Variants in CAP2 observed in about 807,000 individuals in gnomAD.
CAP2 encodes cyclase associated actin cytoskeleton regulatory protein 2, also known as adenylyl cyclase-associated protein 2.
CAP2 carries 24 observed loss-of-function variants against 57.7 expected under a neutral mutation model. The ratio of observed to expected loss-of-function variants is 0.42; its 90% confidence interval spans 0.30 to 0.58. The LOEUF is 0.58. CAP2 is among the 20% of genes least tolerant of loss of function. CAP2 has a pLI of 0.22. For missense variants in CAP2, 501 were observed against 590.3 expected, an observed-to-expected ratio of 0.85 and a Z score of 1.57; for synonymous variants, 194 against 207.2, an observed-to-expected ratio of 0.94 and a Z score of 0.55.
rs185061409 is a variant in CAP2, at chr6:17,411,728, C to T, written c.-1-9827C>T. Among the ~76,000 whole-genome samples the T allele has an allele frequency of 3.9e-5, 6 of 152,274 alleles. No homozygotes were observed. In the East Asian group the frequency reaches 7.7e-4, roughly 20 times the overall value. ...TACTTGATGGAGGGAGAATGGTTCACGACCCTCCTGCCCAGTCTGTAGTGG... is the reference window on the plus strand; with the variant it reads ...TACTTGATGGAGGGAGAATGGTTCATGACCCTCCTGCCCAGTCTGTAGTGG... On this transcript the variant is annotated intron_variant, in intron 1 of 12. Coordinates refer to ENST00000229922, the MANE Select transcript of CAP2 (RefSeq NM_006366.3).
At chr6:17,539,209 A>G (rs1762842479) in intron 7 of CAP2, 60 bp from the exon 8 acceptor site, 1 of 1,514,056 alleles carries the variant, frequency 6.6e-7, no homozygotes, top group East Asian at 2.3e-5. Flanking sequence ...TCTCTCGGGC[A>G]AAATCCCAGC....
chr6:17,460,034 A>G (rs1358910550), intron 3 of CAP2, among the ~76,000 whole-genome samples: 5 of 152,196 alleles, frequency 3.3e-5, no homozygotes, highest in Admixed American at 6.5e-5. Context: ...ACGCAAACAT[A>G]TCTTAGTGAA....
In CAP2 at chr6:17,556,456, C is replaced by T. The variant is rs372566134; in HGVS notation, c.*14C>T. 33 of 1,571,880 alleles carry T rather than the reference C, an allele frequency of 2.1e-5. No individual in the cohort carries two copies. The Middle Eastern group carries it at 5.0e-4, about 24-fold the overall frequency. ...ATTATGGCCTAACTTCCTGAGAGAC[C>T]GAACCCCCTCACCTGAATCCCCCTC... is the stretch of plus-strand genomic sequence containing the variant. On this transcript the variant is annotated 3_prime_UTR_variant, in exon 13 of 13. Transcript: ENST00000229922.
At chr6:17,447,538 G>A (rs1011349175) in intron 3 of CAP2, among the ~76,000 whole-genome samples, 1 of 152,008 alleles carries the variant, frequency 6.6e-6, no homozygotes, top group African/African-American at 2.4e-5. Flanking sequence ...TTGCTCTGTC[G>A]CTCAGGCTGG....
intron 1 of CAP2, among the ~76,000 whole-genome samples, chr6:17,398,296 C>T (rs933693178): frequency 4.6e-5 from 7 of 151,992 alleles, no homozygotes; most frequent in African/African-American, 1.4e-4. Context: ...GTATATCCTG[C>T]GGAGTGGTCT....
intron 4 of CAP2, among the ~76,000 whole-genome samples, chr6:17,496,886 G>C (rs1158012118): frequency 6.6e-6 from 1 of 152,130 alleles, no homozygotes; most frequent in African/African-American, 2.4e-5. Context: ...GAAAAGATCT[G>C]GCCATCCCTC....
intron 4 of CAP2, among the ~76,000 whole-genome samples, chr6:17,471,615 G>A (rs111859200): frequency 0.012 from 1,891 of 152,166 alleles, 43 homozygotes; most frequent in African/African-American, 0.044. Flanking sequence ...GGCGGATCGC[G>A]AGGTCAGGAG....
At chr6:17,542,292 A>G (rs1416146059) in intron 9 of CAP2, among the ~76,000 whole-genome samples, 1 of 152,100 alleles carries the variant, frequency 6.6e-6, no homozygotes, top group East Asian at 1.9e-4. Context: ...ATACCTCTGT[A>G]CCCTACTGCT....
chr6:17,424,130 A>G (rs1271091497), intron 2 of CAP2, among the ~76,000 whole-genome samples: 1 of 152,084 alleles, frequency 6.6e-6, no homozygotes, highest in African/African-American at 2.4e-5. Flanking sequence ...GGATGGACGC[A>G]GTGGCTCACG....
chr6:17,517,329 T>C (rs898728655), intron 7 of CAP2, among the ~76,000 whole-genome samples: 1 of 152,190 alleles, frequency 6.6e-6, no homozygotes, highest in Non-Finnish European at 1.5e-5. Flanking sequence ...TTTTAAATGG[T>C]TTGAATACCT....
chr6:17,452,430 G>C (rs569993661), intron 3 of CAP2, among the ~76,000 whole-genome samples: 8 of 152,340 alleles, frequency 5.3e-5, no homozygotes, highest in East Asian at 1.9e-4. Flanking sequence ...ACTGGGAAGA[G>C]AGTAATTTCC....
chr6:17,415,758 G>A (rs142113146), intron 1 of CAP2, among the ~76,000 whole-genome samples: 118 of 152,256 alleles, frequency 7.8e-4, no homozygotes, highest in East Asian at 6.8e-3. Flanking sequence ...TAATTGGGCC[G>A]TATGTCTCAC....
chr6:17,471,733 A>G (rs1008234543), intron 4 of CAP2, among the ~76,000 whole-genome samples: 2 of 151,550 alleles, frequency 1.3e-5, no homozygotes, highest in African/African-American at 2.4e-5. Context: ...CAGGAGGCTG[A>G]GGCAGGAGAA....
At chr6:17,475,526 A>T (rs965821799) in intron 4 of CAP2, among the ~76,000 whole-genome samples, 5 of 150,596 alleles carry the variant, frequency 3.3e-5, no homozygotes, top group Non-Finnish European at 7.4e-5. Flanking sequence ...CTTGGAAGGG[A>T]CCACGGAATG....
At chr6:17,535,357 C>A (rs1463234171) in intron 7 of CAP2, among the ~76,000 whole-genome samples, 7 of 151,670 alleles carry the variant, frequency 4.6e-5, no homozygotes, top group Admixed American at 4.6e-4. Context: ...TCACTGCAAC[C>A]TCTGCCTCCC....
At chr6:17,540,806 G>A (rs760695934) in intron 8 of CAP2, among the ~76,000 whole-genome samples, 167 bp from the exon 9 acceptor site, 68 of 152,294 alleles carry the variant, frequency 4.5e-4, no homozygotes, top group Admixed American at 1.0e-3. Flanking sequence ...CTCTCAACTT[G>A]TACAGGACTC....
chr6:17,458,450 G>GA (rs1287119000), intron 3 of CAP2, among the ~76,000 whole-genome samples: 1 of 152,098 alleles, frequency 6.6e-6, no homozygotes, highest in Non-Finnish European at 1.5e-5. Flanking sequence ...TTCTCAGTGG[G>GA]AAAAAATACC....
chr6:17,506,300 G>A (rs1240279523), intron 4 of CAP2, among the ~76,000 whole-genome samples: 1 of 152,082 alleles, frequency 6.6e-6, no homozygotes. Context: ...AGTGGACTGG[G>A]GACAATGTAG....
At chr6:17,531,723 G>C (rs1762645382) in intron 7 of CAP2, 4 of 621,022 alleles carry the variant, frequency 6.4e-6, no homozygotes, top group Non-Finnish European at 1.1e-5. Context: ...TAAAGTTGGA[G>C]ATCAATGTCG....
Sources: allele counts gnomAD v4.1 joint callset (sites outside exome capture counted in the v4.1 genomes callset), GRCh38; gene constraint gnomAD v4.1.1; transcripts MANE v1.5; gene names NCBI Gene and HGNC (gene_info 2026-07-23, HGNC 2026-07-21).